The following LRMDA variants were observed in gnomAD, a reference collection of about 807,000 sequenced individuals.
LRMDA encodes leucine-rich melanocyte differentiation-associated protein.
A neutral mutation model predicts 29.8 loss-of-function variants in LRMDA; 18 were observed. That is an observed-to-expected ratio of 0.60 (90% CI 0.42 to 0.90). The LOEUF (loss-of-function observed/expected upper bound fraction) is 0.90, where lower values mean the gene tolerates loss of function less well. LRMDA is among the 40% of genes least tolerant of loss of function. The pLI is 0.00. For synonymous variants in LRMDA, 125 were observed against 109.4 expected, an observed-to-expected ratio of 1.14 and a Z score of -0.89; for missense variants, 273 against 273.9, an observed-to-expected ratio of 1.00 and a Z score of 0.02.
intron 5 of LRMDA, among the ~76,000 whole-genome samples, chr10:76,249,882 A>T (rs1416014308): frequency 6.6e-6 from 1 of 152,196 alleles, no homozygotes; most frequent in Non-Finnish European, 1.5e-5. Context: ...AGCTCACTGC[A>T]ACTTCAGCCT....
At chr10:75,899,530 C>A (rs1845636317) in intron 2 of LRMDA, among the ~76,000 whole-genome samples, 1 of 152,216 alleles carries the variant, frequency 6.6e-6, no homozygotes, top group African/African-American at 2.4e-5. Context: ...TGTGGTCAGT[C>A]ATGGACAGTT....
intron 6 of LRMDA, among the ~76,000 whole-genome samples, chr10:76,427,075 T>G (rs570533139): frequency 6.6e-6 from 1 of 152,338 alleles, no homozygotes. Flanking sequence ...TAGGATTGAC[T>G]TGGCGATGCG....
intron 2 of LRMDA, among the ~76,000 whole-genome samples, chr10:75,572,353 T>G (rs1309080413): frequency 5.3e-5 from 8 of 151,942 alleles, no homozygotes; most frequent in Admixed American, 1.3e-4. Flanking sequence ...TTTTTTTTTC[T>G]TCAGTGCAGT....
chr10:75,714,883 TTTCC>T (rs938513778), intron 2 of LRMDA, among the ~76,000 whole-genome samples: 3 of 114,608 alleles, frequency 2.6e-5, no homozygotes, highest in Admixed American at 8.6e-5. Context: ...TCCTTCCTTC[TTTCC>T]TTCCTTCCTT....
chr10:75,880,438 A>G (rs1350183607), intron 2 of LRMDA, among the ~76,000 whole-genome samples: 1 of 152,236 alleles, frequency 6.6e-6, no homozygotes, highest in Non-Finnish European at 1.5e-5. Context: ...AAGCCCTAAA[A>G]CATTTTCAAA....
intron 2 of LRMDA, among the ~76,000 whole-genome samples, chr10:75,609,312 C>A (rs907081468): frequency 6.6e-6 from 1 of 152,128 alleles, no homozygotes; most frequent in African/African-American, 2.4e-5. Flanking sequence ...TAGGGCTGTT[C>A]ATGAGTGAAG....
rs538065653 is a variant in LRMDA, at chr10:76,509,870, C to T, written c.602-47339C>T. ...TTGGGTTGGGGGAAGGGATTTTAGT[C>T]TGGATTATCTGAAGCTCAGACTTTA... On this transcript the variant is annotated intron_variant, in intron 6 of 6. Coordinates refer to ENST00000611255, the MANE Select transcript of LRMDA (RefSeq NM_001305581.2). 1.1e-4 allele frequency among the ~76,000 whole-genome samples: 17 copies of T among 152,208 alleles called. 1 individual carries two copies. In the South Asian group the frequency reaches 3.3e-3, roughly 30 times the overall value.
At chr10:76,221,002 A>C (rs1415513397) in intron 5 of LRMDA, among the ~76,000 whole-genome samples, 40 of 152,116 alleles carry the variant, frequency 2.6e-4, no homozygotes, top group Non-Finnish European at 5.1e-4. Context: ...AGCATATAAA[A>C]AGAACCAAAG....
At chr10:76,104,147 TTGTTTGTGTG>T (rs970229073) in intron 5 of LRMDA, among the ~76,000 whole-genome samples, 3 of 151,926 alleles carry the variant, frequency 2.0e-5, no homozygotes, top group Non-Finnish European at 4.4e-5. Context: ...TGTGTTGTGT[TTGTTTGTGTG>T]TGTTTGTTGA....
chr10:75,767,454 CTGCTG>C (rs1843184356), intron 2 of LRMDA, among the ~76,000 whole-genome samples: 1 of 152,056 alleles, frequency 6.6e-6, no homozygotes, highest in South Asian at 2.1e-4. Context: ...TGCCTTGTTC[CTGCTG>C]TGTCTTGATT....
intron 2 of LRMDA, among the ~76,000 whole-genome samples, chr10:75,780,509 G>A (rs576975222): frequency 6.6e-6 from 1 of 152,322 alleles, no homozygotes; most frequent in Non-Finnish European, 1.5e-5. Context: ...GATCACTGCA[G>A]GTCAAAGCAG....
intron 3 of LRMDA, among the ~76,000 whole-genome samples, chr10:76,040,813 TCA>T (rs749669654): frequency 6.6e-6 from 1 of 152,242 alleles, no homozygotes; most frequent in African/African-American, 2.4e-5. Context: ...TTATTTGGAA[TCA>T]CACTTCATCT....
Position 75,868,701 on chromosome 10 carries a change from T to C in LRMDA, c.132-167307T>C, listed in dbSNP as rs192771376. ...CCGCTTGTTTAGCGATTTCTCCCAG[T>C]GTGTCCAGATGCTTGGTGTAACTGA... On this transcript the variant is annotated intron_variant, in intron 2 of 6. Coordinates refer to ENST00000611255, the MANE Select transcript of LRMDA (RefSeq NM_001305581.2). 2.6e-5 allele frequency among the ~76,000 whole-genome samples: 4 copies of C among 152,336 alleles called. No individual in the cohort carries two copies. The East Asian group carries it at 7.7e-4, about 29-fold the overall frequency.
chr10:76,538,761 C>T (rs1489393704), intron 6 of LRMDA, among the ~76,000 whole-genome samples: 1 of 151,990 alleles, frequency 6.6e-6, no homozygotes, highest in Non-Finnish European at 1.5e-5. Flanking sequence ...GCCTTCTGCC[C>T]ACCTCTTCCC....
intron 5 of LRMDA, among the ~76,000 whole-genome samples, chr10:76,238,119 C>G (rs1312247573): frequency 6.6e-6 from 1 of 152,046 alleles, no homozygotes; most frequent in South Asian, 2.1e-4. Context: ...TGTGTCTCCT[C>G]TACGCGAGGT....
chr10:75,616,234 TAGC>T (rs1006575002), intron 2 of LRMDA, among the ~76,000 whole-genome samples: 16 of 146,808 alleles, frequency 1.1e-4, no homozygotes, highest in African/African-American at 4.1e-4. Context: ...ACAGTAATAG[TAGC>T]AGTAGCAGCA....
chr10:75,450,933 A>G (rs1300042510), intron 2 of LRMDA: 1 of 152,268 alleles, frequency 6.6e-6, no homozygotes, highest in Non-Finnish European at 1.5e-5. Context: ...TTGACAAGAC[A>G]TGAAAAATCA....
intron 2 of LRMDA, among the ~76,000 whole-genome samples, chr10:76,019,350 A>G (rs78861768): frequency 0.13 from 19,848 of 152,110 alleles, 1,715 homozygotes; most frequent in South Asian, 0.21. Flanking sequence ...TGAAATTGTC[A>G]CTGACCAGGA....
At chr10:75,450,110 A>G (rs1476051104) in intron 2 of LRMDA, 3 of 152,134 alleles carry the variant, frequency 2.0e-5, no homozygotes, top group African/African-American at 7.2e-5. Flanking sequence ...TATAATAACT[A>G]CAAATTCTCC....
Sources: allele counts gnomAD v4.1 joint callset (sites outside exome capture counted in the v4.1 genomes callset), GRCh38; gene constraint gnomAD v4.1.1; transcripts MANE v1.5; gene names NCBI Gene and HGNC (gene_info 2026-07-23, HGNC 2026-07-21).